The following INPP5F variants were observed in gnomAD, a reference collection of about 807,000 sequenced individuals.
The protein encoded by INPP5F is inositol polyphosphate-5-phosphatase F.
Under a neutral mutation model 137.2 loss-of-function variants are expected in INPP5F, and 97 were observed. The ratio of observed to expected loss-of-function variants is 0.71; its 90% CI spans 0.60 to 0.84. The LOEUF (loss-of-function observed/expected upper bound fraction) is 0.84. Ranked by LOEUF, INPP5F falls within the 40% of genes least tolerant of loss-of-function variation. INPP5F has a pLI of 0.00. For synonymous variants in INPP5F, 504 were observed against 476.9 expected, an observed-to-expected ratio of 1.06 and a Z score of -0.74; for missense variants, 1,271 against 1,371.9, an observed-to-expected ratio of 0.93 and a Z score of 1.16.
intron 2 of INPP5F, among the ~76,000 whole-genome samples, chr10:119,777,075 T>C (rs920960467): frequency 3.3e-5 from 5 of 152,040 alleles, no homozygotes; most frequent in African/African-American, 9.7e-5. Flanking sequence ...AAAACAATTT[T>C]TAAAGGGCTG....
chr10:119,821,771 C>T lies in INPP5F; in HGVS notation c.1959-660C>T, dbSNP rs183736317. On this transcript the variant is annotated intron_variant, in intron 16 of 19. Coordinates refer to ENST00000650623, the MANE Select transcript of INPP5F (RefSeq NM_014937.4). ...TGCTCTGTGTGTGTGTGCACACGCG[C>T]GCGCATGTGTTTGCCTTGTAAGTTA... 4.6e-5 allele frequency among the ~76,000 whole-genome samples: 7 copies of T among 151,534 alleles called. 1 individual carries two copies. The highest frequency in any genetic ancestry group is 2.1e-4 in the South Asian group (1 of 4,774).
intron 3 of INPP5F, 45 bp downstream of exon 3, chr10:119,781,816 TA>T: frequency 6.8e-7 from 1 of 1,466,602 alleles, no homozygotes; most frequent in Non-Finnish European, 9.4e-7. Context: ...GATATAAATG[TA>T]ATAGCAAATA....
chr10:119,772,460 T>G (rs1849394589), intron 2 of INPP5F, among the ~76,000 whole-genome samples: 1 of 152,184 alleles, frequency 6.6e-6, no homozygotes, highest in South Asian at 2.1e-4. Flanking sequence ...TGCCATGTGT[T>G]GCAAATAATT....
At chr10:119,769,059 C>G (rs760382393) in intron 2 of INPP5F, among the ~76,000 whole-genome samples, 69 of 151,986 alleles carry the variant, frequency 4.5e-4, no homozygotes, top group Non-Finnish European at 5.1e-4. Flanking sequence ...GAATAGTGGT[C>G]AAAGAGAACT....
chr10:119,809,855 G>C (rs1850959246), intron 13 of INPP5F, among the ~76,000 whole-genome samples: 1 of 152,190 alleles, frequency 6.6e-6, no homozygotes, highest in Admixed American at 6.5e-5. Context: ...GCCAAGAATG[G>C]CTTTACCCTA....
At chr10:119,766,475 A>G (rs1589691922) in intron 2 of INPP5F, among the ~76,000 whole-genome samples, 1 of 151,922 alleles carries the variant, frequency 6.6e-6, no homozygotes, top group Non-Finnish European at 1.5e-5. Flanking sequence ...ATGGCCAAGA[A>G]TTTTCTAAAA....
chr10:119,746,095 T>G (rs560676505), intron 1 of INPP5F, among the ~76,000 whole-genome samples: 44 of 152,352 alleles, frequency 2.9e-4, no homozygotes, highest in African/African-American at 1.0e-3. Flanking sequence ...CCTACTGGTC[T>G]TCTGTTATTT....
At chr10:119,802,356 G>A (rs1388961713) in intron 9 of INPP5F, among the ~76,000 whole-genome samples, 2 of 152,110 alleles carry the variant, frequency 1.3e-5, no homozygotes, top group African/African-American at 4.8e-5. Flanking sequence ...AATGGTATTG[G>A]GAATCACTAT....
intron 2 of INPP5F, among the ~76,000 whole-genome samples, chr10:119,765,865 C>CTATATATATATA (rs551639582): frequency 7.0e-4 from 21 of 29,872 alleles, no homozygotes; most frequent in African/African-American, 1.4e-3. Context: ...ACACTATATA[C>CTATATATATATA]TATATATATA....
intron 2 of INPP5F, among the ~76,000 whole-genome samples, chr10:119,767,107 G>GAAAAAAAAAAAAAAA (rs35875262): frequency 2.5e-5 from 1 of 40,542 alleles, no homozygotes; most frequent in Non-Finnish European, 4.0e-5. Context: ...TCTGTCTCCA[G>GAAAAAAAAAAAAAAA]AAAAAAAAAA....
intron 19 of INPP5F, 62 bp from the exon 20 acceptor site, chr10:119,826,567 AAT>A: frequency 7.9e-7 from 1 of 1,271,180 alleles, no homozygotes; most frequent in Non-Finnish European, 1.1e-6. Flanking sequence ...CACTTATGTT[AAT>A]AACTGGAACT....
chr10:119,786,431 C>T (rs975068260), intron 3 of INPP5F, among the ~76,000 whole-genome samples: 2 of 152,218 alleles, frequency 1.3e-5, no homozygotes, highest in Non-Finnish European at 2.9e-5. Context: ...TTCTCTATCC[C>T]TGTTTTTTGT....
intron 9 of INPP5F, among the ~76,000 whole-genome samples, chr10:119,803,631 AGTT>A (rs1395477912): frequency 1.3e-5 from 2 of 152,278 alleles, no homozygotes; most frequent in East Asian, 3.9e-4. Flanking sequence ...TGAACTTTTG[AGTT>A]GTTAAGTTCA....
chr10:119,809,413 C>T lies in INPP5F; in HGVS notation c.1570-687C>T, dbSNP rs141096720. Among the ~76,000 whole-genome samples, 837 of 152,158 alleles carry T rather than the reference C, an allele frequency of 5.5e-3. 24 individuals carry two copies. Among genetic ancestry groups the T allele is most frequent in the Admixed American group, 0.052 (799 of 15,278 alleles). ...TGGCAGCATGTTCTTCCTAAATTGT[C>T]GGTTTTTGGACTGAGATTTCTGAGA... On this transcript the variant is annotated intron_variant, in intron 13 of 19. Transcript: ENST00000650623.
At chr10:119,765,020 C>T (rs1161329897) in intron 2 of INPP5F, among the ~76,000 whole-genome samples, 1 of 152,140 alleles carries the variant, frequency 6.6e-6, no homozygotes, top group Non-Finnish European at 1.5e-5. Flanking sequence ...GCAACCTCTG[C>T]CTCCTGGATT....
chr10:119,751,013 G>A, intron 1 of INPP5F, 63 bp from the exon 2 acceptor site: 1 of 1,054,218 alleles, frequency 9.5e-7, no homozygotes, highest in Middle Eastern at 2.2e-4. Flanking sequence ...CACTGCTAAA[G>A]ATACTGTTTT....
In INPP5F at chr10:119,747,036, G is replaced by A. The variant is rs1373505014; in HGVS notation, c.98-4040G>A. On this transcript the variant is annotated intron_variant, in intron 1 of 19. Coordinates refer to ENST00000650623, the MANE Select transcript of INPP5F (RefSeq NM_014937.4). ...ACTCCTGACCTCAAGTGATCCTCCT[G>A]CCTCGGCCTTCCGAAGTGCTGGGAT... Among the ~76,000 whole-genome samples the A allele has an allele frequency of 3.9e-5, 6 of 152,036 alleles. No homozygotes were observed. In the South Asian group the frequency reaches 8.3e-4, roughly 21 times the overall value.
chr10:119,814,129 C>A (rs1444322937), intron 15 of INPP5F, among the ~76,000 whole-genome samples: 1 of 152,088 alleles, frequency 6.6e-6, no homozygotes, highest in African/African-American at 2.4e-5. Flanking sequence ...CGGTGGCTCA[C>A]GCCTGTAATC....
chr10:119,794,461 T>C (rs1401224993), intron 6 of INPP5F, among the ~76,000 whole-genome samples: 2 of 152,030 alleles, frequency 1.3e-5, no homozygotes, highest in African/African-American at 2.4e-5. Flanking sequence ...CTCAATCTTT[T>C]CCCCACCTTT....
Sources: allele counts gnomAD v4.1 joint callset (sites outside exome capture counted in the v4.1 genomes callset), GRCh38; gene constraint gnomAD v4.1.1; transcripts MANE v1.5; gene names NCBI Gene and HGNC (gene_info 2026-07-23, HGNC 2026-07-21).